The following FAM193A variants were observed in gnomAD, a reference collection of about 807,000 sequenced individuals.
FAM193A encodes protein FAM193A.
FAM193A carries 22 observed loss-of-function variants against 126.5 expected under a neutral mutation model. The ratio of observed to expected loss-of-function variants is 0.17; its 90% CI spans 0.12 to 0.25. The LOEUF is 0.25. Among genes scored for constraint, FAM193A ranks in the 10% least tolerant of loss-of-function variants. The pLI, the probability that FAM193A is intolerant of heterozygous loss-of-function variation, is 1.00. For synonymous variants in FAM193A, 761 were observed against 646.8 expected, an observed-to-expected ratio of 1.18 and a Z score of -2.68; for missense variants, 1,675 against 1,672.8, an observed-to-expected ratio of 1.00 and a Z score of -0.02.
intron 10 of FAM193A, among the ~76,000 whole-genome samples, chr4:2,660,325 G>A (rs191183922): frequency 4.6e-5 from 7 of 152,082 alleles, no homozygotes; most frequent in Admixed American, 3.3e-4. Flanking sequence ...CTCTAATTCC[G>A]GCCTCACATC....
At chr4:2,562,892 T>G (rs1738710821) in intron 1 of FAM193A, among the ~76,000 whole-genome samples, 1 of 151,658 alleles carries the variant, frequency 6.6e-6, no homozygotes, top group South Asian at 2.1e-4. Flanking sequence ...CCTTCCAAAG[T>G]GCTGGGATTA....
chr4:2,689,511 A>G lies in FAM193A; in HGVS notation c.2337A>G (p.Leu779=). The G allele has an allele frequency of 5.2e-6, 8 of 1,550,186 alleles. 1 individual carries two copies. The African/African-American group carries it at 8.5e-5, about 16-fold the overall frequency. The stretch of plus-strand genomic sequence containing the variant: ...TAGAAAATTTTTTTTTGTAGGCTTT[A>G]CCGCCAGCACCTGTTCAGAATCACA... ...ATPPFTHSKA[L]PPAPVQNHTN... Residue 779 remains leucine, a synonymous_variant, in exon 14 of 21, where the codon TTA becomes TTG. Coordinates refer to ENST00000637812, the MANE Select transcript of FAM193A (RefSeq NM_001366318.2).
At position 2,658,383 on chromosome 4, in the gene FAM193A, G is replaced by A. The variant is rs1046101222; in HGVS notation, c.1389+503G>A. ...ACTCTCCCTTCCTCATCTTCCTGGC[G>A]GTGCCTCCTCCAGGCAGGCTTGTGC... On this transcript the variant is annotated intron_variant, in intron 8 of 20. Transcript: ENST00000637812. 5.3e-5 allele frequency among the ~76,000 whole-genome samples: 8 copies of A among 152,188 alleles called. No individual in the cohort carries two copies. The South Asian group carries it at 1.0e-3, about 20-fold the overall frequency.
At chr4:2,669,031 T>C (rs1189585025) in intron 12 of FAM193A, among the ~76,000 whole-genome samples, 1 of 151,844 alleles carries the variant, frequency 6.6e-6, no homozygotes, top group Non-Finnish European at 1.5e-5. Flanking sequence ...TTGGTGGAGA[T>C]GACATTTCGC....
At chr4:2,693,952 C>T in intron 16 of FAM193A, 78 bp downstream of exon 16, 1 of 1,435,954 alleles carries the variant, frequency 7.0e-7, no homozygotes. Context: ...GCTACAGAAA[C>T]TCCCCTGGGA....
intron 1 of FAM193A, among the ~76,000 whole-genome samples, chr4:2,593,176 C>T (rs1401192175): frequency 1.3e-5 from 2 of 152,204 alleles, no homozygotes; most frequent in Admixed American, 6.5e-5. Context: ...TCACACCTCA[C>T]AGCTGGCTCC....
At chr4:2,691,545 C>T (rs1716380539) in intron 15 of FAM193A, among the ~76,000 whole-genome samples, 1 of 152,144 alleles carries the variant, frequency 6.6e-6, no homozygotes, top group South Asian at 2.1e-4. Flanking sequence ...GGTACAGCCC[C>T]TGGCTGTCAC....
chr4:2,552,585 T>A (rs1428690787), intron 1 of FAM193A, among the ~76,000 whole-genome samples: 1 of 152,136 alleles, frequency 6.6e-6, no homozygotes, highest in Non-Finnish European at 1.5e-5. Flanking sequence ...GTCCCCATGC[T>A]GGAGTGCAGT....
chr4:2,614,987 CT>C (rs1411188641), intron 2 of FAM193A: 3 of 152,036 alleles, frequency 2.0e-5, no homozygotes, highest in African/African-American at 7.2e-5. Flanking sequence ...TTTTTTTCCC[CT>C]AAGACTGGCT....
chr4:2,559,162 A>G (rs1394332674), intron 1 of FAM193A, among the ~76,000 whole-genome samples: 1 of 152,238 alleles, frequency 6.6e-6, no homozygotes, highest in African/African-American at 2.4e-5. Flanking sequence ...GTACATTTAC[A>G]GATGTCCACA....
chr4:2,706,291 C>T (rs369219384), intron 19 of FAM193A, among the ~76,000 whole-genome samples: 1 of 108,618 alleles, frequency 9.2e-6, no homozygotes. Flanking sequence ...TTCTTTCTTT[C>T]TTTTTTTTTT....
At chr4:2,729,605 A>T (rs930870109) in intron 20 of FAM193A, among the ~76,000 whole-genome samples, 1 of 152,078 alleles carries the variant, frequency 6.6e-6, no homozygotes, top group Admixed American at 6.6e-5. Flanking sequence ...CTTTCGTCTG[A>T]GGAGGCAATA....
intron 13 of FAM193A, among the ~76,000 whole-genome samples, chr4:2,680,107 C>G (rs1313465960): frequency 6.6e-6 from 1 of 152,128 alleles, no homozygotes; most frequent in Non-Finnish European, 1.5e-5. Context: ...GTTATCCACC[C>G]ATCTTGGCCT....
At chr4:2,590,503 A>C (rs1327185655) in intron 1 of FAM193A, among the ~76,000 whole-genome samples, 3 of 104,512 alleles carry the variant, frequency 2.9e-5, no homozygotes, top group African/African-American at 1.2e-4. Flanking sequence ...AAACAAAAAA[A>C]AACAAAAAAA....
At chr4:2,728,367 C>G (rs1207381980) in intron 20 of FAM193A, among the ~76,000 whole-genome samples, 1 of 151,544 alleles carries the variant, frequency 6.6e-6, no homozygotes, top group Non-Finnish European at 1.5e-5. Context: ...ACCTCCCCAG[C>G]CCAACCCCAC....
intron 4 of FAM193A, among the ~76,000 whole-genome samples, chr4:2,629,279 TCTG>T (rs1743314687): frequency 6.6e-6 from 1 of 151,912 alleles, no homozygotes; most frequent in Non-Finnish European, 1.5e-5. Context: ...GGGTGTCCAG[TCTG>T]CTTCTAAGTT....
intron 1 of FAM193A, among the ~76,000 whole-genome samples, chr4:2,546,696 G>C (rs752814673): frequency 3.3e-5 from 5 of 152,098 alleles, no homozygotes; most frequent in Non-Finnish European, 7.3e-5. Flanking sequence ...GTTGTTTTGA[G>C]GTTTTGGTGA....
At chr4:2,598,439 A>C (rs1740996368) in intron 2 of FAM193A, among the ~76,000 whole-genome samples, 1 of 152,202 alleles carries the variant, frequency 6.6e-6, no homozygotes, top group South Asian at 2.1e-4. Context: ...TTCTGTGGAC[A>C]TCCTTTTTAT....
At position 2,663,209 on chromosome 4, in the gene FAM193A, A is replaced by G; in HGVS notation, c.2000A>G (p.Asp667Gly). 2 of 1,614,192 alleles carry G rather than the reference A, an allele frequency of 1.2e-6. No individual in the cohort carries two copies. The highest frequency in any genetic ancestry group is 2.2e-5 in the East Asian group (1 of 44,886). The stretch of plus-strand genomic sequence containing the variant: ...GAGCCCCCAGGGGCCCCGAAGGAAG[A>G]TGGAGTGCTGGGAAGCAGGAGCCCC... Reference protein sequence around the residue: ...SGEPPGAPKEDGVLGSRSPRT... With the variant: ...SGEPPGAPKEGGVLGSRSPRT... The change falls in exon 12 of 21, where the codon GAT becomes GGT. Residue 667 changes from aspartate to glycine, a missense_variant. Asp to Gly is a moderately conservative substitution (Grantham distance 94). Coordinates refer to ENST00000637812, the MANE Select transcript of FAM193A (RefSeq NM_001366318.2).
Sources: allele counts gnomAD v4.1 joint callset (sites outside exome capture counted in the v4.1 genomes callset), GRCh38; gene constraint gnomAD v4.1.1; transcripts MANE v1.5; gene names NCBI Gene and HGNC (gene_info 2026-07-23, HGNC 2026-07-21).